RFC3: variants seen among roughly 807,000 people sequenced by gnomAD.
RFC3 encodes the protein replication factor C subunit 3, also known as A1 38 kDa subunit.
A neutral mutation model predicts 45.1 loss-of-function variants in RFC3; 41 were observed. That is an observed-to-expected ratio of 0.91 (90% CI 0.71 to 1.18). The LOEUF (loss-of-function observed/expected upper bound fraction) is 1.18. Ranked by LOEUF, RFC3 falls within the 50% of genes most tolerant of loss-of-function variation. The probability of loss-of-function intolerance (pLI) is 0.00; values close to 1 mark genes in which losing one functional copy is unlikely to be tolerated. For synonymous variants in RFC3, 149 were observed against 144.0 expected, an observed-to-expected ratio of 1.03 and a Z score of -0.25; for missense variants, 423 against 428.1, an observed-to-expected ratio of 0.99 and a Z score of 0.10.
intron 8 of RFC3, among the ~76,000 whole-genome samples, chr13:33,897,572 A>G (rs868317140): frequency 1.3e-5 from 2 of 152,104 alleles, no homozygotes. Flanking sequence ...TTACTTATCA[A>G]TATTAACACT....
chr13:33,943,476 G>A (rs2082936731), intron 8 of RFC3, among the ~76,000 whole-genome samples: 2 of 152,156 alleles, frequency 1.3e-5, no homozygotes, highest in Admixed American at 6.5e-5. Context: ...CTGTCTAGAA[G>A]TGAAGATTAG....
chr13:33,907,424 A>C (rs781594855), intron 8 of RFC3, among the ~76,000 whole-genome samples: 1 of 152,084 alleles, frequency 6.6e-6, no homozygotes, highest in Non-Finnish European at 1.5e-5. Flanking sequence ...AAATCTTCCC[A>C]AGACAAATAA....
intron 8 of RFC3, among the ~76,000 whole-genome samples, chr13:33,924,676 A>G (rs1015645470): frequency 6.8e-6 from 1 of 146,086 alleles, no homozygotes; most frequent in African/African-American, 2.5e-5. Flanking sequence ...TATATATATT[A>G]TATATATATG....
chr13:33,832,002 ATTTT>A (rs754266756), intron 7 of RFC3, among the ~76,000 whole-genome samples: 7 of 152,192 alleles, frequency 4.6e-5, no homozygotes, highest in Non-Finnish European at 1.0e-4. Flanking sequence ...CTCAGGAAGT[ATTTT>A]TTGACACATT....
chr13:33,875,216 G>A (rs983720334), intron 8 of RFC3, among the ~76,000 whole-genome samples: 3 of 152,208 alleles, frequency 2.0e-5, no homozygotes, highest in African/African-American at 7.2e-5. Context: ...GAAGGCAGAT[G>A]TTTGAAGGTG....
chr13:33,871,355 C>T (rs78281109), intron 8 of RFC3, among the ~76,000 whole-genome samples: 1,769 of 152,230 alleles, frequency 0.012, 38 homozygotes, highest in African/African-American at 0.041. Context: ...GGGAAGAATC[C>T]GTGTCTGTGC....
At chr13:33,877,338 T>C (rs914091404) in intron 8 of RFC3, among the ~76,000 whole-genome samples, 1 of 152,202 alleles carries the variant, frequency 6.6e-6, no homozygotes, top group Non-Finnish European at 1.5e-5. Flanking sequence ...AGACATTCTT[T>C]CATTAAATGA....
chr13:33,969,208 T>C (rs185817728), downstream of RFC3, among the ~76,000 whole-genome samples: 7 of 152,350 alleles, frequency 4.6e-5, no homozygotes, highest in East Asian at 9.6e-4. Flanking sequence ...GTCCTTTCTT[T>C]TTGAAAAGCC....
rs532450508 is a variant in RFC3 at position 33,943,170 on chromosome 13, T to C, written c.880-22917T>C. Among the ~76,000 whole-genome samples the C allele has an allele frequency of 3.9e-5, 6 of 152,308 alleles. 1 individual carries two copies. The South Asian group carries it at 1.2e-3, about 32-fold the overall frequency. On this transcript the variant is annotated intron_variant, in intron 8 of 8. Transcript: ENST00000434425. ...TTCATTGATGGGCAGGGATAAGCCC[T>C]GCCTTAGATTCTGCAAGTTTCTGAG...
chr13:33,871,452 C>A (rs914961373), intron 8 of RFC3, among the ~76,000 whole-genome samples: 1 of 152,334 alleles, frequency 6.6e-6, no homozygotes, highest in South Asian at 2.1e-4. Flanking sequence ...TATCATCCCA[C>A]CTCCTGACTC....
chr13:33,946,694 G>A (rs183830823), intron 8 of RFC3, among the ~76,000 whole-genome samples: 1 of 152,230 alleles, frequency 6.6e-6, no homozygotes, highest in Admixed American at 6.5e-5. Flanking sequence ...ATGTTGCTAC[G>A]GATGAAGTGT....
intron 8 of RFC3, among the ~76,000 whole-genome samples, chr13:33,860,233 CTTTT>C (rs5802695): frequency 6.8e-6 from 1 of 148,008 alleles, no homozygotes; most frequent in African/African-American, 2.5e-5. Context: ...GTGTGTTGCA[CTTTT>C]TTTTTTTTCT....
chr13:33,837,210 T>C lies in RFC3; in HGVS notation c.*915T>C, dbSNP rs1162915325. On this transcript the variant is annotated 3_prime_UTR_variant, in exon 9 of 9. Coordinates refer to ENST00000380071, the MANE Select transcript of RFC3 (RefSeq NM_002915.4). ...GTCACCCCAAAAAGTTCCCTCCATATCCCTTTGCAGTCAGTTCATCCCTAC... is the reference window on the plus strand; with the variant it reads ...GTCACCCCAAAAAGTTCCCTCCATACCCCTTTGCAGTCAGTTCATCCCTAC... 4.9e-6 allele frequency: 1 copy of C among 203,984 alleles called. No individual in the cohort carries two copies. Among genetic ancestry groups the C allele is most frequent in the Non-Finnish European group, 8.6e-6 (1 of 115,636 alleles). 12.6% of individuals were successfully genotyped at this position (203,984 alleles called of 1,614,324 possible).
At chr13:33,964,035 A>G (rs1415212094) in intron 8 of RFC3, among the ~76,000 whole-genome samples, 1 of 152,170 alleles carries the variant, frequency 6.6e-6, no homozygotes, top group East Asian at 1.9e-4. Context: ...AAATCGCTGC[A>G]GTAACTTCAG....
At chr13:33,878,320 G>A (rs1226148342) in intron 8 of RFC3, among the ~76,000 whole-genome samples, 1 of 152,150 alleles carries the variant, frequency 6.6e-6, no homozygotes, top group Non-Finnish European at 1.5e-5. Context: ...AGTTAGGAGG[G>A]ACCAATTACA....
downstream of RFC3, among the ~76,000 whole-genome samples, chr13:33,838,284 T>C (rs985995729): frequency 1.3e-5 from 2 of 152,130 alleles, no homozygotes; most frequent in African/African-American, 4.8e-5. Context: ...AAAATCTACT[T>C]TTTTTAATAT....
rs377718076 is a variant in RFC3, at chr13:33,917,984, A to G, written c.880-48103A>G. Among the ~76,000 whole-genome samples the G allele has an allele frequency of 1.3e-4, 20 of 152,224 alleles. No homozygotes were observed. In the South Asian group the frequency reaches 3.7e-3, roughly 28 times the overall value. On this transcript the variant is annotated intron_variant, in intron 8 of 8. Transcript: ENST00000434425. ...TATCCACTTCATTTTCAGAGTACCC[A>G]TTCTCTGTTAAGTATGTAACATATG... is the stretch of plus-strand genomic sequence containing the variant.
intron 8 of RFC3, among the ~76,000 whole-genome samples, chr13:33,877,250 T>A (rs1430193589): frequency 6.6e-6 from 1 of 152,236 alleles, no homozygotes; most frequent in Non-Finnish European, 1.5e-5. Flanking sequence ...TGCGGCCCAC[T>A]GTCTTAGCCA....
At chr13:33,902,098 A>T (rs926879248) in intron 8 of RFC3, among the ~76,000 whole-genome samples, 1 of 152,134 alleles carries the variant, frequency 6.6e-6, no homozygotes, top group African/African-American at 2.4e-5. Flanking sequence ...AGTTCAGGTT[A>T]AAAAAATGGT....
Sources: gnomAD v4.1 joint callset for allele counts (sites outside exome capture counted in the v4.1 genomes callset) on GRCh38, gnomAD v4.1.1 for gene constraint, MANE v1.5 for transcripts, NCBI Gene and HGNC (gene_info 2026-07-23, HGNC 2026-07-21) for gene names.